C12orf54: variants seen among roughly 807,000 people sequenced by gnomAD.
C12orf54 encodes chromosome 12 open reading frame 54.
C12orf54 carries 24 observed loss-of-function variants against 26.4 expected under a neutral mutation model. That is an observed-to-expected ratio of 0.91 (90% CI 0.66 to 1.28). C12orf54 has a LOEUF of 1.28. Ranked by LOEUF, C12orf54 falls within the 50% of genes most tolerant of loss-of-function variation. The probability of loss-of-function intolerance (pLI) is 0.00; values close to 1 mark genes in which losing one functional copy is unlikely to be tolerated. For missense variants in C12orf54, 154 were observed against 150.9 expected (o/e 1.02, Z -0.11); for synonymous variants, 54 against 47.0 (o/e 1.15, Z -0.61).
upstream of C12orf54, among the ~76,000 whole-genome samples, chr12:48,480,923 G>T (rs1954192051): frequency 6.7e-6 from 1 of 149,658 alleles, no homozygotes; most frequent in African/African-American, 2.4e-5. Context: ...CAACAACATG[G>T]ATGTAGATGG....
the C12orf54 span, among the ~76,000 whole-genome samples, chr12:48,425,932 CTTT>C: frequency 7.4e-6 from 1 of 134,764 alleles, no homozygotes; most frequent in Admixed American, 7.3e-5. Context: ...GGTTGTTTGG[CTTT>C]TTTTTTTTTT....
chr12:48,445,672 G>C, the C12orf54 span, among the ~76,000 whole-genome samples: 80 of 152,318 alleles, frequency 5.3e-4, no homozygotes, highest in African/African-American at 1.9e-3. Context: ...AAGAGATCTT[G>C]TCTCAGTTGT....
the C12orf54 span, among the ~76,000 whole-genome samples, chr12:48,464,485 G>A: frequency 1.3e-5 from 2 of 151,796 alleles, no homozygotes; most frequent in Non-Finnish European, 2.9e-5. Context: ...TATTATTATG[G>A]CCATACTGCC....
the C12orf54 span, among the ~76,000 whole-genome samples, chr12:48,421,332 C>A: frequency 1.4e-5 from 1 of 70,068 alleles, no homozygotes; most frequent in Admixed American, 1.7e-4. Context: ...GGAGGTGCCA[C>A]ACATTTTTCA....
chr12:48,488,907 T>C lies in C12orf54; in HGVS notation c.136-17T>C. 1 of 1,584,020 alleles carries C rather than the reference T, an allele frequency of 6.3e-7. No homozygotes were observed. The highest frequency in any genetic ancestry group is 1.1e-5 in the South Asian group (1 of 89,776). Reference sequence around the variant, plus strand: ...CATCTACAATATTATTTTTTCTATATTTTTGTCTTCTGTCAGGTGCTGACA... The same window carrying C: ...CATCTACAATATTATTTTTTCTATACTTTTGTCTTCTGTCAGGTGCTGACA... On this transcript the variant is annotated splice_polypyrimidine_tract_variant and intron_variant, in intron 4 of 8. Transcript: ENST00000548364.
At chr12:48,435,230 A>G in the C12orf54 span, among the ~76,000 whole-genome samples, 3 of 152,180 alleles carry the variant, frequency 2.0e-5, no homozygotes, top group South Asian at 2.1e-4. Flanking sequence ...AAAAAGAAAC[A>G]AACAAAGCCT....
At chr12:48,464,980 C>T in the C12orf54 span, among the ~76,000 whole-genome samples, 2 of 151,926 alleles carry the variant, frequency 1.3e-5, no homozygotes, top group African/African-American at 2.4e-5. Context: ...ACAACCTACA[C>T]AATACCATTC....
the C12orf54 span, among the ~76,000 whole-genome samples, chr12:48,446,417 A>C: frequency 6.6e-6 from 1 of 152,162 alleles, no homozygotes; most frequent in African/African-American, 2.4e-5. Context: ...ATAATTACAC[A>C]ATCATTTCTC....
At chr12:48,444,683 ACT>A in the C12orf54 span, among the ~76,000 whole-genome samples, 1 of 152,062 alleles carries the variant, frequency 6.6e-6, no homozygotes, top group African/African-American at 2.4e-5. Flanking sequence ...ATCTATTCAA[ACT>A]CTGAATCCAA....
At chr12:48,426,180 A>G in the C12orf54 span, among the ~76,000 whole-genome samples, 1 of 152,002 alleles carries the variant, frequency 6.6e-6, no homozygotes, top group Non-Finnish European at 1.5e-5. Context: ...CCAGAATGGT[A>G]TTGCCTAGGT....
chr12:48,488,492 A>AAG, intron 4 of C12orf54: 5 of 383,620 alleles, frequency 1.3e-5, no homozygotes, highest in Non-Finnish European at 2.4e-5. Flanking sequence ...AAAAAAAAAA[A>AAG]AAAGAAAGAA....
the C12orf54 span, among the ~76,000 whole-genome samples, chr12:48,443,546 G>A: frequency 6.6e-6 from 1 of 152,162 alleles, no homozygotes; most frequent in Non-Finnish European, 1.5e-5. Context: ...CAGAGAGAAG[G>A]CAGCACAGAG....
At chr12:48,486,562 G>T in intron 3 of C12orf54, 126 bp from the exon 4 acceptor site, 1 of 948,948 alleles carries the variant, frequency 1.1e-6, no homozygotes, top group East Asian at 2.6e-5. Context: ...CTGAGAAATG[G>T]GGTGATTTTG....
At chr12:48,486,423 C>T (rs887806947) in intron 3 of C12orf54, 1 of 625,574 alleles carries the variant, frequency 1.6e-6, no homozygotes, top group Admixed American at 2.9e-5. Context: ...GGCAGGCAGG[C>T]TTACAGGCAT....
the C12orf54 span, among the ~76,000 whole-genome samples, chr12:48,432,681 C>T: frequency 6.6e-6 from 1 of 152,110 alleles, no homozygotes; most frequent in Non-Finnish European, 1.5e-5. Context: ...TCCAGCCTGG[C>T]CAACATGGAG....
chr12:48,422,596 A>G, the C12orf54 span, among the ~76,000 whole-genome samples: 1 of 152,224 alleles, frequency 6.6e-6, no homozygotes, highest in Admixed American at 6.5e-5. Context: ...TCATGGAAAC[A>G]GGAAAACATA....
intron 6 of C12orf54, 66 bp from the exon 7 acceptor site, chr12:48,492,881 C>A: frequency 7.1e-7 from 1 of 1,412,558 alleles, no homozygotes; most frequent in Non-Finnish European, 1.0e-6. Context: ...AGGATGTGAG[C>A]TGGGCAGCTG....
At chr12:48,443,969 T>G in the C12orf54 span, among the ~76,000 whole-genome samples, 2 of 152,234 alleles carry the variant, frequency 1.3e-5, no homozygotes, top group Non-Finnish European at 2.9e-5. Context: ...CCATACTACC[T>G]GCATTTCTTA....
chr12:48,492,862 T>G, intron 6 of C12orf54, 85 bp from the exon 7 acceptor site: 2 of 1,265,096 alleles, frequency 1.6e-6, no homozygotes, highest in Non-Finnish European at 2.3e-6. Context: ...TTGACTATAC[T>G]TCAAATCAAG....
Sources: gnomAD v4.1 joint callset for allele counts (sites outside exome capture counted in the v4.1 genomes callset) on GRCh38, gnomAD v4.1.1 for gene constraint, MANE v1.5 for transcripts, NCBI Gene and HGNC (gene_info 2026-07-23, HGNC 2026-07-21) for gene names.